The following CADPS variants were observed in gnomAD, a reference collection of about 807,000 sequenced individuals.
CADPS encodes the protein calcium dependent secretion activator, also known as calcium-dependent secretion activator 1.
In CADPS, 57 loss-of-function variants were observed where a neutral mutation model predicts 167.3. That is an observed-to-expected ratio of 0.34 (90% CI 0.28 to 0.42). The LOEUF is 0.42. Ranked by LOEUF, CADPS falls within the 20% of genes least tolerant of loss-of-function variation. The pLI, the probability that CADPS is intolerant of heterozygous loss-of-function variation, is 1.00. For synonymous variants in CADPS, 676 were observed against 635.3 expected, an observed-to-expected ratio of 1.06 and a Z score of -0.96; for missense variants, 1,414 against 1,738.1, an observed-to-expected ratio of 0.81 and a Z score of 3.32.
At chr3:62,424,210 G>T (rs1005126164) in intron 28 of CADPS, among the ~76,000 whole-genome samples, 2 of 151,918 alleles carry the variant, frequency 1.3e-5, no homozygotes, top group Non-Finnish European at 2.9e-5. Flanking sequence ...TTGAGACGGA[G>T]TCTCACTCTG....
chr3:62,723,709 G>T (rs1203270655), intron 3 of CADPS, among the ~76,000 whole-genome samples: 1 of 152,234 alleles, frequency 6.6e-6, no homozygotes, highest in African/African-American at 2.4e-5. Flanking sequence ...CTCAGGAGAT[G>T]AAGTGGAACC....
rs915718005 is a variant in CADPS, at chr3:62,446,173, A to G, written c.3637-376T>C. On this transcript the variant is annotated intron_variant, in intron 26 of 29. Transcript: ENST00000383710. The surrounding 1 kb of genome is among the most constrained non-coding windows in gnomAD (Gnocchi z 4.9). The stretch of plus-strand genomic sequence containing the variant: ...TTCTGGTACCTTGGGTCTTTGTGTA[A>G]TTTGGCTGCAGGTTGTCCTAACTAA... 6.6e-6 allele frequency among the ~76,000 whole-genome samples: 1 copy of G among 152,172 alleles called. No individual in the cohort carries two copies. The highest frequency in any genetic ancestry group is 2.4e-5 in the African/African-American group (1 of 41,444).
In CADPS at chr3:62,689,897, C is replaced by G. The variant is rs368521745; in HGVS notation, c.889-27503G>C. On this transcript the variant is annotated intron_variant, in intron 3 of 29. Coordinates refer to ENST00000383710, the MANE Select transcript of CADPS (RefSeq NM_003716.4). ...GGGGCGGCGTTCTAGCAGGAGAAAA[C>G]AGGAAAAGCAAAGTATGTTCGAGGA... Among the ~76,000 whole-genome samples the G allele has an allele frequency of 1.0e-3, 159 of 152,034 alleles. No individual in the cohort carries two copies. In the South Asian group the frequency reaches 0.016, roughly 15 times the overall value.
chr3:62,460,069 C>G (rs936344332), intron 26 of CADPS, among the ~76,000 whole-genome samples: 4 of 152,126 alleles, frequency 2.6e-5, no homozygotes, highest in Middle Eastern at 3.2e-3. Context: ...TGGGGAATAA[C>G]ATTTTTGTAA....
At chr3:62,715,163 C>T (rs1187830840) in intron 3 of CADPS, among the ~76,000 whole-genome samples, 1 of 151,964 alleles carries the variant, frequency 6.6e-6, no homozygotes, top group Non-Finnish European at 1.5e-5. Flanking sequence ...ATGGGGGGTG[C>T]AAAGATGAAA....
intron 1 of CADPS, among the ~76,000 whole-genome samples, chr3:62,788,898 T>C (rs2092697087): frequency 6.6e-6 from 1 of 152,176 alleles, no homozygotes; most frequent in African/African-American, 2.4e-5. Context: ...TTAGGGTACC[T>C]GTGACTCGTC....
intron 21 of CADPS, among the ~76,000 whole-genome samples, chr3:62,483,648 A>G (rs1217820936): frequency 6.6e-6 from 1 of 152,202 alleles, no homozygotes; most frequent in African/African-American, 2.4e-5. Flanking sequence ...TCTTGTGGGA[A>G]TGGTCAAGAA....
chr3:62,533,178 T>C, intron 12 of CADPS, 120 bp from the exon 13 acceptor site: 2 of 783,670 alleles, frequency 2.6e-6, no homozygotes, highest in Non-Finnish European at 4.1e-6. Flanking sequence ...CACTCCTTGA[T>C]TGCCTATTAT....
At chr3:62,611,742 G>A (rs1181727351) in intron 6 of CADPS, among the ~76,000 whole-genome samples, 2 of 152,182 alleles carry the variant, frequency 1.3e-5, no homozygotes, top group Non-Finnish European at 2.9e-5. Context: ...TGTTCCCTAC[G>A]CACAATCTGC....
chr3:62,867,844 C>T (rs372067762), intron 1 of CADPS, among the ~76,000 whole-genome samples: 29 of 152,066 alleles, frequency 1.9e-4, no homozygotes, highest in African/African-American at 6.7e-4. Context: ...TCACAAAAAC[C>T]CAATGATCAA....
At chr3:62,712,926 T>C (rs1457021297) in intron 3 of CADPS, among the ~76,000 whole-genome samples, 3 of 152,188 alleles carry the variant, frequency 2.0e-5, no homozygotes, top group African/African-American at 2.4e-5. Flanking sequence ...GAAGGCCATA[T>C]AGTTAATGGA....
intron 1 of CADPS, among the ~76,000 whole-genome samples, chr3:62,824,704 C>T (rs188059224): frequency 2.6e-5 from 4 of 152,210 alleles, no homozygotes; most frequent in Non-Finnish European, 4.4e-5. Flanking sequence ...AAAGGTAATT[C>T]TATAAAGTCT....
intron 3 of CADPS, among the ~76,000 whole-genome samples, chr3:62,687,675 T>C (rs1181596498): frequency 6.6e-6 from 1 of 151,716 alleles, no homozygotes; most frequent in Non-Finnish European, 1.5e-5. Flanking sequence ...TGAAATCTTA[T>C]CCTTAAATTT....
At chr3:62,627,885 T>A (rs2064418498) in intron 6 of CADPS, among the ~76,000 whole-genome samples, 2 of 152,188 alleles carry the variant, frequency 1.3e-5, no homozygotes, top group South Asian at 4.1e-4. Context: ...AGGTCTCAAG[T>A]ATATTCAACC....
intron 1 of CADPS, among the ~76,000 whole-genome samples, chr3:62,829,114 G>A (rs1183490217): frequency 6.6e-6 from 1 of 152,136 alleles, no homozygotes; most frequent in Non-Finnish European, 1.5e-5. Flanking sequence ...TTAAAAGCAT[G>A]CCAGCTTTTC....
chr3:62,846,623 A>G (rs2077479188), intron 1 of CADPS, among the ~76,000 whole-genome samples: 1 of 152,070 alleles, frequency 6.6e-6, no homozygotes, highest in African/African-American at 2.4e-5. Context: ...TCCAAAAGTG[A>G]CCAAAGATTG....
At chr3:62,559,199 C>T (rs2078715363) in intron 9 of CADPS, among the ~76,000 whole-genome samples, 1 of 152,168 alleles carries the variant, frequency 6.6e-6, no homozygotes, top group African/African-American at 2.4e-5. Context: ...GGTGGATTTA[C>T]CTACTGGATT....
intron 28 of CADPS, among the ~76,000 whole-genome samples, chr3:62,410,649 T>A (rs533154184): frequency 3.6e-4 from 55 of 152,202 alleles, no homozygotes; most frequent in Non-Finnish European, 6.8e-4. Context: ...TAAAACCTAC[T>A]TAGGATTAAA....
At position 62,558,700 on chromosome 3, in the gene CADPS, G is replaced by C. The variant is rs529669505; in HGVS notation, c.1645-1187C>G. Among the ~76,000 whole-genome samples the C allele has an allele frequency of 1.1e-4, 16 of 152,232 alleles. No homozygotes were observed. In the South Asian group the frequency reaches 3.3e-3, roughly 32 times the overall value. The stretch of plus-strand genomic sequence containing the variant: ...TGAGGGTCCCAGTGGAGAGATGAAG[G>C]GTGTCCGCAGGAGGATGTTTTTGGT... On this transcript the variant is annotated intron_variant, in intron 9 of 29. Transcript: ENST00000383710.
Sources: allele counts gnomAD v4.1 joint callset (sites outside exome capture counted in the v4.1 genomes callset), GRCh38; gene constraint gnomAD v4.1.1; non-coding constraint Gnocchi (gnomAD v3.1); transcripts MANE v1.5; gene names NCBI Gene and HGNC (gene_info 2026-07-23, HGNC 2026-07-21).